The following SYNPR variants were observed in gnomAD, a reference collection of about 807,000 sequenced individuals.
The protein encoded by SYNPR is synaptoporin.
In SYNPR, 23 loss-of-function variants were observed where a neutral mutation model predicts 32.9. The ratio of observed to expected loss-of-function variants is 0.70; its 90% CI spans 0.50 to 0.99. SYNPR has a LOEUF of 0.99. Among genes scored for constraint, SYNPR ranks in the 50% least tolerant of loss-of-function variants. The probability of loss-of-function intolerance (pLI) is 0.00; values close to 1 mark genes in which losing one functional copy is unlikely to be tolerated. For missense variants in SYNPR, 318 were observed against 349.3 expected, an observed-to-expected ratio of 0.91 and a Z score of 0.71; for synonymous variants, 146 against 135.9, an observed-to-expected ratio of 1.07 and a Z score of -0.52.
chr3:63,608,876 C>T (rs1700159343), intron 4 of SYNPR, among the ~76,000 whole-genome samples: 1 of 151,944 alleles, frequency 6.6e-6, no homozygotes, highest in East Asian at 1.9e-4. Flanking sequence ...GTTATAAAGT[C>T]CTTAGCATCA....
At chr3:63,248,802 C>T (rs1033646059) in intron 1 of SYNPR, among the ~76,000 whole-genome samples, 2 of 152,154 alleles carry the variant, frequency 1.3e-5, no homozygotes, top group African/African-American at 2.4e-5. Flanking sequence ...TCACTGATTA[C>T]GTTAGCTGTC....
chr3:63,312,736 C>A (rs2086980992), intron 2 of SYNPR, among the ~76,000 whole-genome samples: 1 of 151,976 alleles, frequency 6.6e-6, no homozygotes, highest in African/African-American at 2.4e-5. Flanking sequence ...CACAGCCCCA[C>A]CCAACTCTTT....
At chr3:63,249,327 A>G (rs1575575548) in intron 1 of SYNPR, among the ~76,000 whole-genome samples, 1 of 152,170 alleles carries the variant, frequency 6.6e-6, no homozygotes, top group East Asian at 1.9e-4. Context: ...GCACTTCTAT[A>G]CAAGATTGCG....
chr3:63,608,784 C>T (rs1230209841), intron 4 of SYNPR, among the ~76,000 whole-genome samples: 1 of 152,180 alleles, frequency 6.6e-6, no homozygotes, highest in Admixed American at 6.5e-5. Flanking sequence ...GCTATTCAAC[C>T]ATTCTCTATG....
intron 2 of SYNPR, among the ~76,000 whole-genome samples, chr3:63,428,069 A>C (rs187700083): frequency 5.9e-5 from 9 of 152,280 alleles, no homozygotes; most frequent in African/African-American, 1.9e-4. Flanking sequence ...TGAACCAACA[A>C]TTTCATAGTT....
At chr3:63,327,273 A>G (rs1459419136) in intron 2 of SYNPR, among the ~76,000 whole-genome samples, 4 of 152,134 alleles carry the variant, frequency 2.6e-5, no homozygotes, top group South Asian at 4.1e-4. Context: ...GAACTTTTTT[A>G]CACTGTTGGT....
At chr3:63,425,139 G>A (rs754323343) in intron 2 of SYNPR, among the ~76,000 whole-genome samples, 1 of 152,212 alleles carries the variant, frequency 6.6e-6, no homozygotes, top group South Asian at 2.1e-4. Context: ...GCATGAGATG[G>A]AAAAATGCTC....
At chr3:63,388,358 A>G (rs1269377815) in intron 2 of SYNPR, among the ~76,000 whole-genome samples, 1 of 148,154 alleles carries the variant, frequency 6.7e-6, no homozygotes, top group African/African-American at 2.5e-5. Flanking sequence ...ATTTTTCAAA[A>G]CCCAAGTAAA....
chr3:63,469,282 T>G (rs2106672027), intron 2 of SYNPR, among the ~76,000 whole-genome samples: 1 of 152,262 alleles, frequency 6.6e-6, no homozygotes, highest in Non-Finnish European at 1.5e-5. Context: ...GCACAGCTTC[T>G]GGCAAGGGGT....
At chr3:63,514,469 C>T (rs1160316600) in intron 3 of SYNPR, among the ~76,000 whole-genome samples, 1 of 152,158 alleles carries the variant, frequency 6.6e-6, no homozygotes, top group Non-Finnish European at 1.5e-5. Flanking sequence ...GCTTTTGGCT[C>T]TTCAGCAGTT....
At chr3:63,390,861 G>A (rs1248362581) in intron 2 of SYNPR, among the ~76,000 whole-genome samples, 2 of 152,088 alleles carry the variant, frequency 1.3e-5, no homozygotes, top group Admixed American at 6.5e-5. Context: ...CACCTTCATA[G>A]CCCACTCAAC....
At chr3:63,528,481 C>G (rs1432367877) in intron 3 of SYNPR, among the ~76,000 whole-genome samples, 1 of 152,126 alleles carries the variant, frequency 6.6e-6, no homozygotes, top group Non-Finnish European at 1.5e-5. Flanking sequence ...CTGGCTGCAA[C>G]AGACACTCAA....
At chr3:63,260,269 C>A (rs575103118) in intron 2 of SYNPR, among the ~76,000 whole-genome samples, 1 of 152,286 alleles carries the variant, frequency 6.6e-6, no homozygotes, top group African/African-American at 2.4e-5. Flanking sequence ...CCAAGTCAAT[C>A]CTAAGCCAAA....
At chr3:63,570,644 T>C (rs1167178454) in intron 4 of SYNPR, among the ~76,000 whole-genome samples, 2 of 152,162 alleles carry the variant, frequency 1.3e-5, no homozygotes, top group Non-Finnish European at 2.9e-5. Flanking sequence ...GAAGTATTTC[T>C]TCACTACCCA....
At chr3:63,245,712 T>A (rs9832492) in intron 1 of SYNPR, among the ~76,000 whole-genome samples, 41,705 of 88,664 alleles carry the variant, frequency 0.47, 6,984 homozygotes, top group Admixed American at 0.5. Flanking sequence ...AGAGAGAGAG[T>A]GTGTGTGTGT....
rs113031377 is a variant in SYNPR at position 63,337,153 on chromosome 3, C to G, written c.84+58411C>G. Among the ~76,000 whole-genome samples, 568 of 148,702 alleles carry G rather than the reference C, an allele frequency of 3.8e-3. 4 individuals carry two copies. Among genetic ancestry groups the G allele is most frequent in the African/African-American group, 0.013 (538 of 40,346 alleles). ...AGGCTGAGGCAGGAGAATTGATTGA[C>G]CCAAGGAGGCAGAGGTTGCAGTGAG... is the stretch of plus-strand genomic sequence containing the variant. On this transcript the variant is annotated intron_variant, in intron 2 of 5. Coordinates refer to ENST00000478300, the MANE Select transcript of SYNPR (RefSeq NM_001130003.2).
chr3:63,427,174 CCAAGGAGACA>C (rs1395044562), intron 2 of SYNPR, among the ~76,000 whole-genome samples: 1 of 149,472 alleles, frequency 6.7e-6, no homozygotes, highest in African/African-American at 2.4e-5. Flanking sequence ...TTACAAAGCC[CCAAGGAGACA>C]ATAAAATGTA....
At chr3:63,364,104 A>G (rs1295534345) in intron 2 of SYNPR, among the ~76,000 whole-genome samples, 1 of 152,180 alleles carries the variant, frequency 6.6e-6, no homozygotes, top group Non-Finnish European at 1.5e-5. Context: ...CACCAAACTC[A>G]TGTTTTCTAT....
upstream of SYNPR, among the ~76,000 whole-genome samples, chr3:63,275,050 G>A (rs1263571367): frequency 6.6e-6 from 1 of 152,136 alleles, no homozygotes. Context: ...ATCAACACTG[G>A]CCACTAAAAT....
Sources: allele counts gnomAD v4.1 joint callset (sites outside exome capture counted in the v4.1 genomes callset), GRCh38; gene constraint gnomAD v4.1.1; transcripts MANE v1.5; gene names NCBI Gene and HGNC (gene_info 2026-07-23, HGNC 2026-07-21).